SLCO5A1: variants seen among roughly 807,000 people sequenced by gnomAD.
The protein encoded by SLCO5A1 is organic anion transporter polypeptide-related protein 4.
SLCO5A1 carries 39 observed loss-of-function variants against 65.1 expected under a neutral mutation model. The ratio of observed to expected loss-of-function variants is 0.60; its 90% CI spans 0.46 to 0.78. SLCO5A1 has a LOEUF of 0.78. SLCO5A1 is among the 30% of genes least tolerant of loss of function. The probability of loss-of-function intolerance (pLI) is 0.00; values close to 1 mark genes in which losing one functional copy is unlikely to be tolerated. For missense variants in SLCO5A1, 1,029 were observed against 1,069.4 expected (o/e 0.96, Z 0.53); for synonymous variants, 438 against 415.7 (o/e 1.05, Z -0.65).
At chr8:69,782,255 C>A (rs1029265726) in intron 2 of SLCO5A1, among the ~76,000 whole-genome samples, 1 of 151,804 alleles carries the variant, frequency 6.6e-6, no homozygotes, top group African/African-American at 2.4e-5. Context: ...AAATAAACAT[C>A]AAAAATTATA....
At chr8:69,785,110 G>A (rs556409601) in intron 2 of SLCO5A1, among the ~76,000 whole-genome samples, 1 of 151,920 alleles carries the variant, frequency 6.6e-6, no homozygotes, top group East Asian at 1.9e-4. Context: ...GAGAGAGAGA[G>A]AGAAAGAAAG....
intron 5 of SLCO5A1, among the ~76,000 whole-genome samples, chr8:69,721,450 G>C (rs1314215159): frequency 6.6e-6 from 1 of 152,198 alleles, no homozygotes; most frequent in East Asian, 1.9e-4. Flanking sequence ...ACTCTGGAAA[G>C]ATGAGTGATT....
intron 4 of SLCO5A1, among the ~76,000 whole-genome samples, chr8:69,749,074 T>C (rs540827083): frequency 1.3e-5 from 2 of 152,332 alleles, no homozygotes; most frequent in East Asian, 3.9e-4. Context: ...GGCCCAGGCA[T>C]GTAGCTTTTA....
rs552931986 is a variant in SLCO5A1 at position 69,672,904 on chromosome 8, C to A, written c.2512G>T (p.Glu838Ter). The A allele has an allele frequency of 1.5e-5, 24 of 1,613,512 alleles. No individual in the cohort carries two copies. The Admixed American group carries it at 4.0e-4, about 27-fold the overall frequency. ...GGCTCCAAGGCAGCGGGGCTCTCTT[C>A]CAGCCCCGGGTCCGCAGAGGAACTT... ...AISSSADPGL[E>*]ESPAALEPPS is the part of the protein sequence containing the mutation. The change falls in exon 10 of 10, where the codon GAA becomes TAA. Residue 838 changes from glutamate (E) to a stop codon, truncating the protein, a stop_gained. Coordinates refer to ENST00000260126, the MANE Select transcript of SLCO5A1 (RefSeq NM_030958.3). LOFTEE classifies it high-confidence loss of function.
At chr8:69,731,367 A>G (rs1309750076) in intron 5 of SLCO5A1, among the ~76,000 whole-genome samples, 1 of 152,228 alleles carries the variant, frequency 6.6e-6, no homozygotes, top group Non-Finnish European at 1.5e-5. Flanking sequence ...CAACCTAATC[A>G]TCTTTACTTT....
At chr8:69,820,803 G>C (rs183313546) in intron 2 of SLCO5A1, among the ~76,000 whole-genome samples, 25 of 151,978 alleles carry the variant, frequency 1.6e-4, no homozygotes, top group African/African-American at 5.1e-4. Context: ...TGTGTACATA[G>C]ACATATACAC....
chr8:69,747,354 T>TATCCATGGATTCTGC (rs200861143), intron 4 of SLCO5A1, among the ~76,000 whole-genome samples: 2 of 152,070 alleles, frequency 1.3e-5, no homozygotes, highest in African/African-American at 4.8e-5. Context: ...TGGTCCTCTA[T>TATCCATGGATTCTGC]ATCCATGGAT....
intron 2 of SLCO5A1, among the ~76,000 whole-genome samples, chr8:69,822,606 T>G (rs1820696283): frequency 6.6e-6 from 1 of 152,144 alleles, no homozygotes; most frequent in Admixed American, 6.6e-5. Flanking sequence ...TATCTCTCAC[T>G]CCCCTCTCTG....
chr8:69,669,359 C>T lies in SLCO5A1; in HGVS notation c.*3510G>A, dbSNP rs1292044802. On this transcript the variant is annotated 3_prime_UTR_variant, in exon 10 of 10. Transcript: ENST00000260126. ...TTTAATCTCACGATTTTATAGTCAC[C>T]TTGCCTTTGTTAACCAAAAGCTATT... 6.6e-6 allele frequency: 1 copy of T among 151,984 alleles called. No individual in the cohort carries two copies. Among genetic ancestry groups the T allele is most frequent in the Admixed American group, 6.6e-5 (1 of 15,260 alleles). 9.4% of individuals were successfully genotyped at this position (151,984 alleles called of 1,614,324 possible).
chr8:69,688,651 T>C (rs2130795577), intron 6 of SLCO5A1, among the ~76,000 whole-genome samples: 2 of 152,276 alleles, frequency 1.3e-5, no homozygotes, highest in African/African-American at 4.8e-5. Context: ...TCCATGTCCC[T>C]ACAAAGGACA....
intron 2 of SLCO5A1, among the ~76,000 whole-genome samples, chr8:69,828,369 A>G (rs7837447): frequency 0.014 from 2,065 of 152,070 alleles, 19 homozygotes; most frequent in Non-Finnish European, 0.024. Context: ...TTGGGAGGCC[A>G]AGGCGGGTGG....
chr8:69,725,466 T>A (rs931544047), intron 5 of SLCO5A1, among the ~76,000 whole-genome samples: 1 of 151,582 alleles, frequency 6.6e-6, no homozygotes, highest in African/African-American at 2.4e-5. Context: ...TAAAGATGTA[T>A]GTATGTATGT....
intron 2 of SLCO5A1, among the ~76,000 whole-genome samples, chr8:69,769,930 T>C (rs1563713816): frequency 1.3e-5 from 2 of 152,184 alleles, no homozygotes; most frequent in Non-Finnish European, 2.9e-5. Context: ...GCACAAAAAA[T>C]AATTTTTAAA....
At chr8:69,790,663 A>T (rs1230484375) in intron 2 of SLCO5A1, among the ~76,000 whole-genome samples, 1 of 152,220 alleles carries the variant, frequency 6.6e-6, no homozygotes, top group Non-Finnish European at 1.5e-5. Context: ...AAATAAAAAA[A>T]AAGAATAATA....
At chr8:69,699,468 G>A (rs1814632106) in intron 6 of SLCO5A1, among the ~76,000 whole-genome samples, 1 of 152,120 alleles carries the variant, frequency 6.6e-6, no homozygotes, top group Non-Finnish European at 1.5e-5. Flanking sequence ...AAGCCCTTGG[G>A]TTCTGACACT....
Position 69,682,205 on chromosome 8 carries a change from A to G in SLCO5A1, c.1761T>C (p.Asn587=), listed in dbSNP as rs1813813383. Residue 587 remains asparagine (N), a synonymous_variant, in exon 7 of 10, where the codon AAT becomes AAC. Transcript: ENST00000260126. ...TCACCCCAGTGCTAAGATTACCACT[A>G]TTAACACAGCCAGCCAGACAAGGGT... is the stretch of plus-strand genomic sequence containing the variant. ...YFNPCLAGCV[N]SGNLSTGIRN... 3 of 1,612,832 alleles carry G rather than the reference A, an allele frequency of 1.9e-6. No homozygotes were observed. The highest frequency in any genetic ancestry group is 4.5e-5 in the East Asian group (2 of 44,768).
intron 2 of SLCO5A1, among the ~76,000 whole-genome samples, chr8:69,821,681 G>A (rs776852494): frequency 6.6e-6 from 1 of 151,720 alleles, no homozygotes; most frequent in Non-Finnish European, 1.5e-5. Flanking sequence ...GTGCACACTT[G>A]TAGTCCCACC....
At chr8:69,677,709 G>A (rs1813606992) in intron 8 of SLCO5A1, among the ~76,000 whole-genome samples, 1 of 152,158 alleles carries the variant, frequency 6.6e-6, no homozygotes, top group African/African-American at 2.4e-5. Flanking sequence ...TCAAGGAACA[G>A]CTTTGCTGGG....
intron 2 of SLCO5A1, among the ~76,000 whole-genome samples, chr8:69,817,435 C>G (rs1349471973): frequency 6.6e-6 from 1 of 152,184 alleles, no homozygotes; most frequent in African/African-American, 2.4e-5. Context: ...TGTGAATATG[C>G]TGCTATGAAC....
Sources: gnomAD v4.1 joint callset for allele counts (sites outside exome capture counted in the v4.1 genomes callset) on GRCh38, gnomAD v4.1.1 for gene constraint, MANE v1.5 for transcripts, NCBI Gene and HGNC (gene_info 2026-07-23, HGNC 2026-07-21) for gene names.